LMF1: variants seen among roughly 807,000 people sequenced by gnomAD.
The protein encoded by LMF1 is transmembrane protein 112.
Under a neutral mutation model 60.6 loss-of-function variants are expected in LMF1, and 68 were observed. The ratio of observed to expected loss-of-function variants is 1.12; its 90% CI spans 0.92 to 1.37. The LOEUF is 1.37. LMF1 is among the 40% of genes most tolerant of loss of function. The pLI is 0.00. For missense variants in LMF1, 948 were observed against 767.2 expected, an observed-to-expected ratio of 1.24 and a Z score of -2.78; for synonymous variants, 418 against 324.7, an observed-to-expected ratio of 1.29 and a Z score of -3.09.
chr16:864,235 A>C (rs766872685), intron 10 of LMF1, among the ~76,000 whole-genome samples: 10 of 152,264 alleles, frequency 6.6e-5, no homozygotes, highest in Non-Finnish European at 1.3e-4. Flanking sequence ...TGAGGTTAAT[A>C]CAATGAATCC....
chr16:957,775 A>G (rs1597077596), intron 1 of LMF1, among the ~76,000 whole-genome samples: 1 of 152,322 alleles, frequency 6.6e-6, no homozygotes, highest in East Asian at 1.9e-4. Context: ...GCCCAGACAC[A>G]GCCCCCCTGC....
At chr16:858,582 C>T (rs868473493) in intron 10 of LMF1, among the ~76,000 whole-genome samples, 2 of 51,146 alleles carry the variant, frequency 3.9e-5, no homozygotes, top group Admixed American at 2.1e-4. Context: ...TGTCTCGGGA[C>T]GGGTGTGAGT....
intron 4 of LMF1, among the ~76,000 whole-genome samples, chr16:908,070 G>A (rs1038716270): frequency 2.6e-5 from 4 of 152,236 alleles, no homozygotes; most frequent in Admixed American, 1.3e-4. Context: ...GCCTGACAGC[G>A]CTTCCCCCAC....
At position 871,289 on chromosome 16, in the gene LMF1, A is replaced by C. The variant is rs2151701921; in HGVS notation, c.950T>G (p.Val317Gly). 2.5e-6 allele frequency: 4 copies of C among 1,612,550 alleles called. No homozygotes were observed. The highest frequency in any genetic ancestry group is 3.4e-6 in the Non-Finnish European group (4 of 1,179,802). Residue 317 changes from valine (V) to glycine (G), a missense_variant, in exon 7 of 11, where the codon GTG (valine) becomes GGG (glycine). By Grantham distance (109) the Val-to-Gly change is moderately radical. Transcript: ENST00000262301. Reference protein sequence around the residue: ...NLSFLNWLTMVPSLACFDDAT... With the variant: ...NLSFLNWLTMGPSLACFDDAT... Reference sequence around the variant, plus strand: ...GTCATCAAAGCAGGCCAGGCTGGGCACCATAGTCAGCCAGTTCAGGAAGCT... The same window carrying C: ...GTCATCAAAGCAGGCCAGGCTGGGCCCCATAGTCAGCCAGTTCAGGAAGCT...
At chr16:944,185 G>A (rs2072180193) in intron 2 of LMF1, among the ~76,000 whole-genome samples, 2 of 151,840 alleles carry the variant, frequency 1.3e-5, no homozygotes, top group African/African-American at 4.8e-5. Flanking sequence ...GGGGAGGCTT[G>A]TCTCCCAGCC....
chr16:951,762 C>T (rs1162747367), intron 2 of LMF1, among the ~76,000 whole-genome samples: 2 of 152,254 alleles, frequency 1.3e-5, no homozygotes, highest in African/African-American at 4.8e-5. Flanking sequence ...CTCACACCTC[C>T]AGTGAAGACT....
Position 878,622 on chromosome 16 carries a change from C to T in LMF1, c.897+948G>A, listed in dbSNP as rs1000927224. Among the ~76,000 whole-genome samples the T allele has an allele frequency of 1.3e-5, 2 of 151,968 alleles. No individual in the cohort carries two copies. Among genetic ancestry groups the T allele is most frequent in the African/African-American group, 2.4e-5 (1 of 41,226 alleles). ...CGCAGGCACGCACCGTGAAACAGGA[C>T]CCGGCCAACAACCATGGGCGCCCCC... is the stretch of plus-strand genomic sequence containing the variant. On this transcript the variant is annotated intron_variant, in intron 6 of 10. Transcript: ENST00000262301. The surrounding 1 kb of genome is among the most constrained non-coding windows in gnomAD (Gnocchi z 5.2).
At chr16:954,268 C>G (rs745692540) in intron 2 of LMF1, 89 bp downstream of exon 2, 7 of 1,295,628 alleles carry the variant, frequency 5.4e-6, no homozygotes, top group African/African-American at 2.9e-5. Flanking sequence ...AAACGCTCGT[C>G]CAGTCTTTCC....
At chr16:891,165 GC>G (rs1246478529) in intron 5 of LMF1, among the ~76,000 whole-genome samples, 5 of 152,116 alleles carry the variant, frequency 3.3e-5, no homozygotes, top group Admixed American at 6.5e-5. Context: ...GCAGCTGTGG[GC>G]CCCCCCGGCC....
chr16:856,970 C>T (rs1004939151), intron 10 of LMF1, among the ~76,000 whole-genome samples: 3 of 152,248 alleles, frequency 2.0e-5, no homozygotes, highest in East Asian at 1.9e-4. Context: ...CCTCCCCGAC[C>T]TTCGGCCTCC....
In LMF1 at chr16:970,793, A is replaced by T. The variant is rs370716130; in HGVS notation, c.188T>A (p.Val63Glu). The T allele has an allele frequency of 3.9e-6, 6 of 1,533,152 alleles. No individual in the cohort carries two copies. In the African/African-American group the frequency reaches 7.1e-5, roughly 18 times the overall value. The allele number at this position is 1,533,152 out of a possible 1,614,324, so 95.0% of individuals were successfully genotyped here. Residue 63 changes from valine to glutamate, a missense_variant, in exon 1 of 11, where the codon GTG (valine) becomes GAG (glutamate). Transcript: ENST00000262301. ...CGGGCCCGCCCGGCACTCACAGTACACGAAGGCTAGGGCCTTCAGGAGCAC... is the reference window on the plus strand; with the variant it reads ...CGGGCCCGCCCGGCACTCACAGTACTCGAAGGCTAGGGCCTTCAGGAGCAC... The part of the protein sequence containing the change: ...RIVLLKALAF[V>E]YFVAFLVAFH...
intron 5 of LMF1, among the ~76,000 whole-genome samples, chr16:886,436 G>A (rs1026684574): frequency 6.6e-6 from 1 of 151,784 alleles, no homozygotes; most frequent in Non-Finnish European, 1.5e-5. Context: ...GGGCTGCTCT[G>A]CTGAGTGATG....
At chr16:915,182 G>A (rs1476752855) in intron 3 of LMF1, among the ~76,000 whole-genome samples, 1 of 152,216 alleles carries the variant, frequency 6.6e-6, no homozygotes, top group African/African-American at 2.4e-5. Context: ...GCCAAGGGGC[G>A]ACCAAGGGAT....
intron 3 of LMF1, among the ~76,000 whole-genome samples, chr16:925,615 G>T (rs2071570772): frequency 6.6e-6 from 1 of 152,092 alleles, no homozygotes; most frequent in Non-Finnish European, 1.5e-5. Context: ...CATGCCTGTG[G>T]TCCTAGCTAC....
chr16:868,995 T>C lies in LMF1; in HGVS notation c.1478A>G (p.Glu493Gly). Residue 493 changes from glutamate (E) to glycine (G), a missense_variant, in exon 10 of 11, where the codon GAG becomes GGG. Transcript: ENST00000262301. ...LAGKLLASDA[E>G]ALSLLAHNPF... ...GTTGTGTGCCAGCAGGGACAAGGCC[T>C]CGGCGTCGCTGGCCAGGAGCTTGCC... The C allele has an allele frequency of 6.2e-7, 1 of 1,612,558 alleles. No homozygotes were observed.
At chr16:909,405 G>A (rs1021814501) in intron 4 of LMF1, among the ~76,000 whole-genome samples, 6 of 152,258 alleles carry the variant, frequency 3.9e-5, no homozygotes, top group African/African-American at 1.4e-4. Flanking sequence ...GTGCACCAAA[G>A]CACACTAAAC....
chr16:960,187 C>T (rs1197574555), intron 1 of LMF1, among the ~76,000 whole-genome samples: 4 of 152,184 alleles, frequency 2.6e-5, no homozygotes, highest in African/African-American at 7.2e-5. Context: ...GAAGCTGGGC[C>T]GGAAGCATCC....
At chr16:898,706 C>T (rs892163017) in intron 4 of LMF1, among the ~76,000 whole-genome samples, 1 of 152,232 alleles carries the variant, frequency 6.6e-6, no homozygotes, top group Non-Finnish European at 1.5e-5. Context: ...CACAGGTCTG[C>T]TGTAGACTCT....
At position 869,682 on chromosome 16, in the gene LMF1, G is replaced by A. The variant is rs1335910571; in HGVS notation, c.1416+201C>T. On this transcript the variant is annotated intron_variant, in intron 9 of 10. Transcript: ENST00000262301. ...CTGGCAGACCCGGGGGGACGGTGGG[G>A]CTGGGCTCCCACATGAGGCCCCTCC... The A allele has an allele frequency of 7.5e-6, 5 of 668,696 alleles. No homozygotes were observed. The African/African-American group carries it at 8.9e-5, about 12-fold the overall frequency. 41.4% of individuals were successfully genotyped at this position (668,696 alleles called of 1,614,324 possible). A position where few individuals can be genotyped will look rare whatever the true frequency, so the allele number is the denominator to read the frequency against.
Sources: allele counts gnomAD v4.1 joint callset (sites outside exome capture counted in the v4.1 genomes callset), GRCh38; gene constraint gnomAD v4.1.1; non-coding constraint Gnocchi (gnomAD v3.1); transcripts MANE v1.5; gene names NCBI Gene and HGNC (gene_info 2026-07-23, HGNC 2026-07-21).